The following ERBB4 variants were observed in gnomAD, a reference collection of about 807,000 sequenced individuals.
ERBB4 encodes the protein erb-b2 receptor tyrosine kinase 4.
ERBB4 carries 42 observed loss-of-function variants against 158.0 expected under a neutral mutation model. That is an observed-to-expected ratio of 0.27 (90% confidence interval 0.21 to 0.34). The LOEUF (loss-of-function observed/expected upper bound fraction) is 0.34. ERBB4 is among the 10% of genes least tolerant of loss of function. ERBB4 has a pLI of 1.00. For missense variants in ERBB4, 1,333 were observed against 1,624.1 expected (o/e 0.82, Z 3.08); for synonymous variants, 583 against 558.7 (o/e 1.04, Z -0.61).
intron 1 of ERBB4, among the ~76,000 whole-genome samples, chr2:212,140,867 GT>G (rs1305655179): frequency 3.0e-4 from 45 of 151,122 alleles, no homozygotes; most frequent in African/African-American, 1.1e-3. Context: ...GTGTGTGTGT[GT>G]GTGTGTGTGT....
intron 16 of ERBB4, among the ~76,000 whole-genome samples, chr2:211,648,894 A>G (rs1427824362): frequency 2.6e-5 from 4 of 151,836 alleles, no homozygotes; most frequent in Non-Finnish European, 5.9e-5. Flanking sequence ...GGATGGTAGC[A>G]TTAATGCAAT....
intron 1 of ERBB4, among the ~76,000 whole-genome samples, chr2:212,248,224 G>T (rs1448948172): frequency 6.6e-6 from 1 of 152,058 alleles, no homozygotes; most frequent in African/African-American, 2.4e-5. Flanking sequence ...CAAAATTAAA[G>T]AATTTACTTG....
intron 20 of ERBB4, among the ~76,000 whole-genome samples, chr2:211,434,179 G>T (rs1183010376): frequency 6.6e-6 from 1 of 152,016 alleles, no homozygotes; most frequent in Non-Finnish European, 1.5e-5. Context: ...TTAAACTTAT[G>T]CAGGAAGAGT....
At chr2:212,415,356 TAGAAA>T (rs1180573707) in intron 1 of ERBB4, among the ~76,000 whole-genome samples, 3 of 152,132 alleles carry the variant, frequency 2.0e-5, no homozygotes, top group African/African-American at 7.2e-5. Context: ...ATTAGATACT[TAGAAA>T]AGAAAATACT....
At chr2:211,554,227 G>C (rs754035567) in intron 20 of ERBB4, among the ~76,000 whole-genome samples, 2 of 152,158 alleles carry the variant, frequency 1.3e-5, no homozygotes, top group Non-Finnish European at 2.9e-5. Context: ...ATCTGGCATA[G>C]CACTCAGGCA....
At chr2:211,445,583 C>T (rs17747141) in intron 20 of ERBB4, among the ~76,000 whole-genome samples, 2 of 152,024 alleles carry the variant, frequency 1.3e-5, no homozygotes, top group African/African-American at 2.4e-5. Flanking sequence ...GTAAAACTAG[C>T]GACAGTATCA....
chr2:211,391,669 G>A (rs1348220962), intron 25 of ERBB4, among the ~76,000 whole-genome samples: 3 of 151,900 alleles, frequency 2.0e-5, no homozygotes, highest in Admixed American at 6.6e-5. Context: ...AATCAAATAC[G>A]GTATTAAATG....
intron 3 of ERBB4, among the ~76,000 whole-genome samples, chr2:211,888,536 A>T (rs984419875): frequency 6.6e-6 from 1 of 152,052 alleles, no homozygotes; most frequent in Non-Finnish European, 1.5e-5. Flanking sequence ...ATTTCACGAC[A>T]GGGGAGGAGC....
Position 211,580,801 on chromosome 2 carries a change from T to TATATATA in ERBB4, c.2302-18720_2302-18714dup, listed in dbSNP as rs1553575755. 3.5e-4 allele frequency among the ~76,000 whole-genome samples: 10 copies of TATATATA among 28,468 alleles called. 1 individual carries two copies. In the East Asian group the frequency reaches 7.4e-3, roughly 21 times the overall value. 18.7% of individuals were successfully genotyped at this position (28,468 alleles called of 152,430 possible). On this transcript the variant is annotated intron_variant, in intron 19 of 27. Transcript: ENST00000342788. ...AAAGAAATTGTGATATATATATATA[T>TATATATA]ATATATATATAATATATATATATTA...
intron 20 of ERBB4, among the ~76,000 whole-genome samples, chr2:211,505,497 T>TA (rs150255724): frequency 0.24 from 36,099 of 147,522 alleles, 4,479 homozygotes; most frequent in East Asian, 0.39. Context: ...CTCACCATCA[T>TA]AAAAAAAAAA....
intron 20 of ERBB4, among the ~76,000 whole-genome samples, chr2:211,511,915 A>C (rs1389183285): frequency 2.6e-5 from 4 of 152,120 alleles, no homozygotes; most frequent in Non-Finnish European, 5.9e-5. Flanking sequence ...CAAGACTTAC[A>C]TGGAACAATA....
intron 20 of ERBB4, among the ~76,000 whole-genome samples, chr2:211,433,123 T>A (rs2063777809): frequency 6.6e-6 from 1 of 152,046 alleles, no homozygotes; most frequent in Non-Finnish European, 1.5e-5. Context: ...AGATATGCAA[T>A]TCTGTATTTT....
intron 3 of ERBB4, among the ~76,000 whole-genome samples, chr2:211,941,045 C>T (rs1314974784): frequency 6.6e-6 from 1 of 152,090 alleles, no homozygotes; most frequent in Non-Finnish European, 1.5e-5. Flanking sequence ...CTAGTCAATA[C>T]ACAGTCTGAC....
chr2:212,104,787 C>T lies in ERBB4; in HGVS notation c.234+19965G>A, dbSNP rs563818735. ...TAAAAGCAGAAGTCAAGTCGATTTG[C>T]GCTTTGCTAGAAATATTTTTATTTC... is the stretch of plus-strand genomic sequence containing the variant. On this transcript the variant is annotated intron_variant, in intron 2 of 27. Transcript: ENST00000342788. 7.2e-5 allele frequency among the ~76,000 whole-genome samples: 11 copies of T among 152,144 alleles called. No individual in the cohort carries two copies. The East Asian group carries it at 1.2e-3, about 16-fold the overall frequency.
chr2:211,946,955 G>A (rs1233605397), intron 3 of ERBB4, among the ~76,000 whole-genome samples: 2 of 152,042 alleles, frequency 1.3e-5, no homozygotes, highest in South Asian at 4.1e-4. Flanking sequence ...GGGATTTAGT[G>A]AGCTACTGAA....
chr2:212,363,905 A>C (rs897490857), intron 1 of ERBB4, among the ~76,000 whole-genome samples: 1 of 151,658 alleles, frequency 6.6e-6, no homozygotes, highest in Non-Finnish European at 1.5e-5. Flanking sequence ...ATAGATACCA[A>C]ACAGCTAATG....
At chr2:211,395,241 C>G (rs2062885887) in intron 25 of ERBB4, among the ~76,000 whole-genome samples, 1 of 151,968 alleles carries the variant, frequency 6.6e-6, no homozygotes, top group East Asian at 1.9e-4. Context: ...GAGGCTGAAC[C>G]ACATTTGGAT....
intron 1 of ERBB4, among the ~76,000 whole-genome samples, chr2:212,135,989 G>T (rs1387112810): frequency 1.3e-5 from 2 of 152,188 alleles, no homozygotes; most frequent in African/African-American, 4.8e-5. Context: ...TGGGAGCTAA[G>T]TATGTAAACA....
chr2:212,090,271 T>C (rs2078733690), intron 2 of ERBB4, among the ~76,000 whole-genome samples: 1 of 152,204 alleles, frequency 6.6e-6, no homozygotes. Flanking sequence ...GTTAAAATTA[T>C]AAGCCTATTA....
Sources: gnomAD v4.1 joint callset for allele counts (sites outside exome capture counted in the v4.1 genomes callset) on GRCh38, gnomAD v4.1.1 for gene constraint, MANE v1.5 for transcripts, NCBI Gene and HGNC (gene_info 2026-07-23, HGNC 2026-07-21) for gene names.